Variants in RPS24 observed in about 807,000 individuals in gnomAD.
RPS24 encodes the protein small ribosomal subunit protein eS24.
For synonymous variants in RPS24, 72 were observed against 55.6 expected (o/e 1.30, Z -1.31); for missense variants, 100 against 162.5 (o/e 0.62, Z 2.09).
At position 78,040,221 on chromosome 10, in the gene RPS24, C is replaced by T; in HGVS notation, c.*15C>T. 6.2e-7 allele frequency: 1 copy of T among 1,613,372 alleles called. No homozygotes were observed. The highest frequency in any genetic ancestry group is 8.5e-7 in the Non-Finnish European group (1 of 1,179,384). ...TGATTCAGTGAGCTGGAGATTGGAT[C>T]ACAGGTATAATTCAAGCTTTTCATG... On this transcript the variant is annotated 3_prime_UTR_variant, in exon 5 of 6. Coordinates refer to ENST00000372360, the MANE Select transcript of RPS24 (RefSeq NM_033022.4).
exon 5 of RPS24, chr10:78,055,203 A>C: frequency 3.4e-6 from 3 of 894,194 alleles, no homozygotes; most frequent in Non-Finnish European, 4.5e-6. Context: ...ACAATCCCCC[A>C]CGACCTGGCC....
rs1847857183 is a variant in RPS24, at chr10:78,035,958, GGGTA to G, written c.279+239_279+242del. On this transcript the variant is annotated intron_variant, in intron 3 of 5. Transcript: ENST00000372360. ...AGTAGTGTTCTTGGAGATGGGCTAG[GGGTA>G]AGGATTGTTTTCCAGAGGAGAAGTA... 4 of 520,834 alleles carry G rather than the reference GGGTA, an allele frequency of 7.7e-6. No individual in the cohort carries two copies. In the East Asian group the frequency reaches 1.4e-4, roughly 18 times the overall value. The allele number at this position is 520,834 out of a possible 1,614,324, so 32.3% of individuals were successfully genotyped here. A position where few individuals can be genotyped will look rare whatever the true frequency, so the allele number is the denominator to read the frequency against.
intron 4 of RPS24, chr10:78,037,937 C>G: frequency 1.4e-5 from 4 of 279,360 alleles, no homozygotes; most frequent in Non-Finnish European, 2.2e-5. Context: ...CTTTTCCTCT[C>G]TACTTTCTTG....
Position 78,048,565 on chromosome 10 carries a change from A to G in RPS24, c.391-5966A>G, listed in dbSNP as rs113564904. On this transcript the variant is annotated intron_variant, in intron 4 of 4. Transcript: ENST00000440692. ...CTGCTGGCTCCCACCGTCGATGATG[A>G]TATTCAGAGAGTCTGGTTAGAAATT... 4.3e-4 allele frequency among the ~76,000 whole-genome samples: 66 copies of G among 152,192 alleles called. 1 individual carries two copies. Among genetic ancestry groups the G allele is most frequent in the African/African-American group, 1.4e-3 (60 of 41,548 alleles).
rs369853016 is a variant in RPS24 at position 78,033,933 on chromosome 10, C to T, written c.3+29C>T. ...AGTCTCCCTGGGCCCGTGCAGTCATCTGCCGCGTATCCGAGCCATCCGTGG... is the reference window on the plus strand; with the variant it reads ...AGTCTCCCTGGGCCCGTGCAGTCATTTGCCGCGTATCCGAGCCATCCGTGG... On this transcript the variant is annotated intron_variant, in intron 1 of 5. Coordinates refer to ENST00000372360, the MANE Select transcript of RPS24 (RefSeq NM_033022.4). The T allele has an allele frequency of 5.4e-5, 87 of 1,613,754 alleles. No individual in the cohort carries two copies. The African/African-American group carries it at 1.1e-3, about 20-fold the overall frequency.
chr10:78,054,691 G>A, exon 5 of RPS24: 1 of 1,551,706 alleles, frequency 6.4e-7, no homozygotes, highest in South Asian at 1.2e-5. Flanking sequence ...AGATTGCGGA[G>A]GGGCTGTGGC....
At chr10:78,035,248 C>T in intron 1 of RPS24, 104 bp from the exon 2 acceptor site, 2 of 1,150,310 alleles carry the variant, frequency 1.7e-6, no homozygotes. Flanking sequence ...CGCTACATGA[C>T]TAATGGCTAC....
chr10:78,035,225 ATTTAC>A, intron 1 of RPS24, 122 bp from the exon 2 acceptor site: 2 of 932,344 alleles, frequency 2.1e-6, no homozygotes, highest in Non-Finnish European at 3.5e-6. Flanking sequence ...AGTGGGTTTT[ATTTAC>A]TTTAGTTCGC....
At chr10:78,046,848 G>A (rs147592121) in intron 4 of RPS24, among the ~76,000 whole-genome samples, 1 of 152,216 alleles carries the variant, frequency 6.6e-6, no homozygotes, top group Admixed American at 6.5e-5. Flanking sequence ...GAGGTGATTA[G>A]CTGAGGCAGC....
chr10:78,040,669 G>T lies in RPS24; in HGVS notation c.*74G>T, dbSNP rs763036935. 1.9e-6 allele frequency: 3 copies of T among 1,613,876 alleles called. No homozygotes were observed. Among genetic ancestry groups the T allele is most frequent in the South Asian group, 1.1e-5 (1 of 91,086 alleles). The stretch of plus-strand genomic sequence containing the variant: ...TAGCTGTGGCCACTGTGGATTTTTC[G>T]CAAGAACATTAATAAACTAAAAACT... On this transcript the variant is annotated 3_prime_UTR_variant, in exon 6 of 6. Coordinates refer to ENST00000372360, the MANE Select transcript of RPS24 (RefSeq NM_033022.4).
chr10:78,037,517 C>G, intron 4 of RPS24: 1 of 668,232 alleles, frequency 1.5e-6, no homozygotes. Context: ...CCCTTGTCAG[C>G]TCACAGCACA....
Position 78,046,346 on chromosome 10 carries a change from C to CTTTTTTTTTT in RPS24, c.391-8175_391-8166dup, listed in dbSNP as rs57003851. On this transcript the variant is annotated intron_variant, in intron 4 of 4. Coordinates refer to the RPS24 transcript ENST00000440692. ...GTCTTGCACAAATTATCTCATTTAC[C>CTTTTTTTTTT]TTTTTTTTTTTTTTTTTTTGAGAAT... 1.5e-3 allele frequency among the ~76,000 whole-genome samples: 192 copies of CTTTTTTTTTT among 126,118 alleles called. 10 individuals are homozygous for CTTTTTTTTTT. Among genetic ancestry groups the CTTTTTTTTTT allele is most frequent in the African/African-American group, 6.4e-3 (187 of 29,372 alleles). 82.7% of individuals were successfully genotyped at this position (126,118 alleles called of 152,430 possible). A position where few individuals can be genotyped will look rare whatever the true frequency, so the allele number is the denominator to read the frequency against.
chr10:78,041,199 C>T (rs1336438969), downstream of RPS24, among the ~76,000 whole-genome samples: 1 of 152,096 alleles, frequency 6.6e-6, no homozygotes, highest in Non-Finnish European at 1.5e-5. Flanking sequence ...AGCTGAAAGA[C>T]TTGGTTGGGC....
intron 5 of RPS24, 180 bp from the exon 6 acceptor site, chr10:78,040,430 TCTTAA>T (rs756588967): frequency 1.3e-5 from 9 of 716,474 alleles, no homozygotes; most frequent in South Asian, 3.5e-5. Context: ...TTTGTTTTAT[TCTTAA>T]CTTGAATGTT....
intron 4 of RPS24, chr10:78,037,930 T>TGG: frequency 8.9e-7 from 1 of 1,123,926 alleles, no homozygotes; most frequent in Non-Finnish European, 1.2e-6. Context: ...TTTTTTGCTT[T>TGG]TCCTCTCTAC....
At chr10:78,036,062 C>G in intron 3 of RPS24, 1 of 356,170 alleles carries the variant, frequency 2.8e-6, no homozygotes, top group Non-Finnish European at 5.4e-6. Context: ...GGGCTTAAAC[C>G]CATAGGTAGT....
In RPS24 at chr10:78,035,675, C is replaced by T. The variant is rs1177372076; in HGVS notation, c.234C>T (p.Ser78=). The T allele has an allele frequency of 2.5e-6, 4 of 1,604,410 alleles. No homozygotes were observed. In the Admixed American group the frequency reaches 5.0e-5, roughly 20 times the overall value. ...KTTGFGMIYD[S]LDYAKKNEPK... is the part of the protein sequence containing the mutation. ...CTGGCTTTGGCATGATTTATGATTCCCTGGATTATGCAAAGAAAAATGAAC... is the reference window on the plus strand; with the variant it reads ...CTGGCTTTGGCATGATTTATGATTCTCTGGATTATGCAAAGAAAAATGAAC... Residue 78 remains serine, a synonymous_variant, in exon 3 of 6, where the codon TCC becomes TCT. Transcript: ENST00000372360.
intron 4 of RPS24, among the ~76,000 whole-genome samples, chr10:78,052,094 C>T (rs558152841): frequency 5.9e-5 from 9 of 152,190 alleles, no homozygotes; most frequent in Admixed American, 3.3e-4. Context: ...GGCTTGATCT[C>T]GGCTCACTGC....
At chr10:78,036,078 A>G in intron 3 of RPS24, 2 of 343,026 alleles carry the variant, frequency 5.8e-6, no homozygotes, top group Non-Finnish European at 1.1e-5. Flanking sequence ...GTAGTCAGGA[A>G]CCAGGAAAAG....
Sources: gnomAD v4.1 joint callset for allele counts (sites outside exome capture counted in the v4.1 genomes callset) on GRCh38, gnomAD v4.1.1 for gene constraint, MANE v1.5 for transcripts, NCBI Gene and HGNC (gene_info 2026-07-23, HGNC 2026-07-21) for gene names.